Variants in NPEPL1 observed in about 807,000 individuals in gnomAD.
The protein encoded by NPEPL1 is probable aminopeptidase NPEPL1.
In NPEPL1, 45 loss-of-function variants were observed where a neutral mutation model predicts 52.4. The observed-to-expected ratio is 0.86, with a 90% CI of 0.68 to 1.10. NPEPL1 has a LOEUF of 1.10. Among genes scored for constraint, NPEPL1 ranks in the 50% least tolerant of loss-of-function variants. NPEPL1 has a pLI of 0.00. For missense variants in NPEPL1, 696 were observed against 710.9 expected, an observed-to-expected ratio of 0.98 and a Z score of 0.24; for synonymous variants, 360 against 314.7, an observed-to-expected ratio of 1.14 and a Z score of -1.52.
At position 58,712,536 on chromosome 20, in the gene NPEPL1, A is replaced by C. The variant is rs201705526; in HGVS notation, c.958A>C (p.Asn320His). ...FCLAENSVGP[N>H]ATRPDDIHLL... Reference sequence around the variant, plus strand: ...CTTGGCTGAGAACTCGGTGGGGCCCAATGCGACAAGGCCAGATGACATCCA... The same window carrying C: ...CTTGGCTGAGAACTCGGTGGGGCCCCATGCGACAAGGCCAGATGACATCCA... The change falls in exon 8 of 12, where the codon AAT becomes CAT. Residue 320 changes from asparagine to histidine, a missense_variant. Asn to His is a moderately conservative substitution (Grantham distance 68). Transcript: ENST00000356091. 3.1e-6 allele frequency: 5 copies of C among 1,613,326 alleles called. No individual in the cohort carries two copies. The highest frequency in any genetic ancestry group is 1.3e-5 in the African/African-American group (1 of 74,730).
chr20:58,714,237 G>A (rs990584789), intron 10 of NPEPL1, 144 bp downstream of exon 10: 17 of 875,446 alleles, frequency 1.9e-5, no homozygotes, highest in African/African-American at 9.6e-5. Flanking sequence ...AGAGGCAGGC[G>A]TCAGGGCACA....
intron 6 of NPEPL1, among the ~76,000 whole-genome samples, chr20:58,701,639 G>T (rs1180963258): frequency 1.3e-5 from 2 of 152,160 alleles, no homozygotes; most frequent in South Asian, 2.1e-4. Context: ...GGCCAGGGAG[G>T]CAGGGCTTGC....
In NPEPL1 at chr20:58,707,348, T is replaced by C. The variant is rs2084758403; in HGVS notation, c.900+148T>C. 1.2e-5 allele frequency: 9 copies of C among 780,194 alleles called. 1 individual carries two copies. In the East Asian group the frequency reaches 2.4e-4, roughly 21 times the overall value. 48.3% of individuals were successfully genotyped at this position (780,194 alleles called of 1,614,324 possible). A position where few individuals can be genotyped will look rare whatever the true frequency, so the allele number is the denominator to read the frequency against. ...GCTTGTCCCCCCTCTGCCCCCAGGC[T>C]CTTCTGGGGCCCCCAGAGCTTCCCG... On this transcript the variant is annotated intron_variant, in intron 7 of 11. Coordinates refer to ENST00000356091, the MANE Select transcript of NPEPL1 (RefSeq NM_024663.4).
chr20:58,698,228 A>T (rs1456558272), intron 3 of NPEPL1, among the ~76,000 whole-genome samples: 2 of 151,812 alleles, frequency 1.3e-5, no homozygotes, highest in Non-Finnish European at 2.9e-5. Context: ...ACGGCCTATG[A>T]GAAGTGCCTC....
upstream of NPEPL1, chr20:58,690,992 C>A: frequency 1.5e-6 from 1 of 654,798 alleles, no homozygotes; most frequent in South Asian, 1.7e-5. Flanking sequence ...ACACAGGTTT[C>A]AGAGCCTGCT....
chr20:58,695,103 G>A (rs796825125), intron 3 of NPEPL1, among the ~76,000 whole-genome samples: 1 of 142,936 alleles, frequency 7.0e-6, no homozygotes, highest in African/African-American at 2.6e-5. Flanking sequence ...ATGTGTTGCT[G>A]TGTGTGTGTG....
upstream of NPEPL1, among the ~76,000 whole-genome samples, chr20:58,690,861 T>C (rs1601083448): frequency 6.6e-6 from 1 of 152,210 alleles, no homozygotes; most frequent in Non-Finnish European, 1.5e-5. Flanking sequence ...ACCTGCTAGA[T>C]CTGGCTTTCT....
chr20:58,699,793 A>G (rs1451939667), intron 5 of NPEPL1, among the ~76,000 whole-genome samples: 1 of 152,226 alleles, frequency 6.6e-6, no homozygotes, highest in Non-Finnish European at 1.5e-5. Flanking sequence ...GCAGATAAGT[A>G]TGACTCAGCT....
chr20:58,691,364 CTTTTTTTTTTTTTT>C (rs59929508), upstream of NPEPL1: 2,669 of 175,886 alleles, frequency 0.015, 2 homozygotes, highest in Middle Eastern at 0.036. Context: ...CATTCAACAG[CTTTTTTTTTTTTTT>C]TTTTTTTTTT....
At chr20:58,710,929 G>A (rs553858072) in intron 7 of NPEPL1, 2 of 152,512 alleles carry the variant, frequency 1.3e-5, no homozygotes, top group South Asian at 4.1e-4. Flanking sequence ...GGGTCCCCAT[G>A]TTGTTAGTAA....
chr20:58,694,272 T>C, intron 2 of NPEPL1, 150 bp from the exon 3 acceptor site: 1 of 765,736 alleles, frequency 1.3e-6, no homozygotes, highest in Non-Finnish European at 2.1e-6. Context: ...GGGGATGACC[T>C]GAGGGATGGG....
intron 3 of NPEPL1, among the ~76,000 whole-genome samples, chr20:58,695,928 C>G (rs896006597): frequency 2.0e-5 from 3 of 152,150 alleles, no homozygotes; most frequent in Non-Finnish European, 4.4e-5. Flanking sequence ...AGAGGTCTCC[C>G]TCCCTCCCGC....
chr20:58,713,520 A>G lies in NPEPL1; in HGVS notation c.1102A>G (p.Met368Val), dbSNP rs374360895. The change falls in exon 9 of 12, where the codon ATG becomes GTG. Residue 368 changes from methionine (M) to valine (V), a missense_variant. By Grantham distance (21) the Met-to-Val change is conservative (BLOSUM62 1). Transcript: ENST00000356091. The surrounding 1 kb of genome is among the most constrained non-coding windows in gnomAD (Gnocchi z 4.6). Reference protein sequence around the residue: ...KDLGADIILDMATLTGAQGIA... With the variant: ...KDLGADIILDVATLTGAQGIA... ...CCTGGGGGCCGACATCATCCTGGAC[A>G]TGGCCACCCTGACCGGGGCTCAGGT... 2 of 1,609,190 alleles carry G rather than the reference A, an allele frequency of 1.2e-6. No individual in the cohort carries two copies. The highest frequency in any genetic ancestry group is 1.1e-5 in the South Asian group (1 of 90,348).
rs1164201254 is a variant in NPEPL1, at chr20:58,692,853, GCGGGCCGGGC to G, written c.-37_-28del. ...GGAGCGGGGCGAAGGGGGCCGAGCG[GCGGGCCGGGC>G]CGGGCCGGGCAGGGCCGGGGCGTGG... is the stretch of plus-strand genomic sequence containing the variant. On this transcript the variant is annotated 5_prime_UTR_variant, in exon 1 of 12. Coordinates refer to ENST00000356091, the MANE Select transcript of NPEPL1 (RefSeq NM_024663.4). The surrounding 1 kb of genome is among the most constrained non-coding windows in gnomAD (Gnocchi z 5.7). 1.3e-5 allele frequency: 13 copies of G among 987,802 alleles called. No individual in the cohort carries two copies. The Admixed American group carries it at 2.5e-4, about 19-fold the overall frequency. The allele number at this position is 987,802 out of a possible 1,614,324, so 61.2% of individuals were successfully genotyped here.
At chr20:58,708,866 C>T (rs755994847) in intron 7 of NPEPL1, among the ~76,000 whole-genome samples, 1 of 151,942 alleles carries the variant, frequency 6.6e-6, no homozygotes, top group African/African-American at 2.4e-5. Context: ...GGCACGGGGG[C>T]AGGGGTGGGC....
At chr20:58,691,565 G>C, upstream of NPEPL1, 1 of 642,030 alleles carries the variant, frequency 1.6e-6, no homozygotes, top group Admixed American at 2.9e-5. Flanking sequence ...CAGGGAAGGT[G>C]AAAGCCTGGC....
intron 2 of NPEPL1, 64 bp downstream of exon 2, chr20:58,693,986 G>T (rs2084408452): frequency 2.1e-6 from 3 of 1,449,162 alleles, no homozygotes; most frequent in Admixed American, 2.1e-5. Context: ...CTCGGGCCTG[G>T]GGAGCTCACA....
chr20:58,714,006 G>A lies in NPEPL1; in HGVS notation c.1215G>A (p.Gly405=), dbSNP rs2084906676. The change falls in exon 10 of 12, where the codon GGG becomes GGA. Residue 405 remains glycine (G), a synonymous_variant. Transcript: ENST00000356091. ...GTGTGAAGGCGGGCAGGAAGTGTGG[G>A]GACCTGGTGCACCCGCTGGTCTACT... ...AACVKAGRKC[G]DLVHPLVYCP... is the part of the protein sequence containing the mutation. 3 of 1,526,190 alleles carry A rather than the reference G, an allele frequency of 2.0e-6. No homozygotes were observed. The highest frequency in any genetic ancestry group is 2.3e-5 in the Admixed American group (1 of 43,116). The allele number at this position is 1,526,190 out of a possible 1,614,324, so 94.5% of individuals were successfully genotyped here. A position where few individuals can be genotyped will look rare whatever the true frequency, so the allele number is the denominator to read the frequency against.
In NPEPL1 at chr20:58,692,864, C is replaced by T. The variant is rs777399593; in HGVS notation, c.-37C>T. ...AAGGGGGCCGAGCGGCGGGCCGGGC[C>T]GGGCCGGGCAGGGCCGGGGCGTGGG... On this transcript the variant is annotated 5_prime_UTR_variant, in exon 1 of 12. Transcript: ENST00000356091. This position sits in a 1 kb window ranked among gnomAD's most constrained non-coding sequence, Gnocchi z 5.7. 2.0e-6 allele frequency: 2 copies of T among 1,000,000 alleles called. No individual in the cohort carries two copies. Among genetic ancestry groups the T allele is most frequent in the Non-Finnish European group, 2.4e-6 (2 of 839,300 alleles). The allele number at this position is 1,000,000 out of a possible 1,614,324, so 61.9% of individuals were successfully genotyped here.
Sources: gnomAD v4.1 joint callset for allele counts (sites outside exome capture counted in the v4.1 genomes callset) on GRCh38, gnomAD v4.1.1 for gene constraint, Gnocchi (gnomAD v3.1) non-coding constraint, MANE v1.5 for transcripts, NCBI Gene and HGNC (gene_info 2026-07-23, HGNC 2026-07-21) for gene names.